Variants in TUSC3 observed in about 807,000 individuals in gnomAD.
TUSC3 encodes dolichyl-diphosphooligosaccharide--protein glycosyltransferase subunit TUSC3.
A neutral mutation model predicts 44.8 loss-of-function variants in TUSC3; 45 were observed. The observed-to-expected ratio is 1.00, with a 90% CI of 0.79 to 1.29. TUSC3 has a LOEUF of 1.29. TUSC3 is among the 50% of genes most tolerant of loss of function. The probability of loss-of-function intolerance (pLI) is 0.00; values close to 1 mark genes in which losing one functional copy is unlikely to be tolerated. For synonymous variants in TUSC3, 212 were observed against 152.9 expected (o/e 1.39, Z -2.85); for missense variants, 519 against 437.9 (o/e 1.19, Z -1.65).
the TUSC3 span, among the ~76,000 whole-genome samples, chr8:15,779,663 G>C: frequency 6.6e-6 from 1 of 152,172 alleles, no homozygotes; most frequent in Non-Finnish European, 1.5e-5. Context: ...CCTAGCATTT[G>C]ATTAAAAGAG....
chr8:15,849,786 G>T, the TUSC3 span, among the ~76,000 whole-genome samples: 1 of 145,848 alleles, frequency 6.9e-6, no homozygotes, highest in African/African-American at 2.5e-5. Flanking sequence ...CGATTTTATG[G>T]CCTTCTGTTA....
intron 6 of TUSC3, among the ~76,000 whole-genome samples, chr8:15,726,518 C>T (rs1810502827): frequency 6.6e-6 from 1 of 151,970 alleles, no homozygotes; most frequent in Non-Finnish European, 1.5e-5. Flanking sequence ...ATGAAATATT[C>T]AATGGGGCCA....
intron 2 of TUSC3, among the ~76,000 whole-genome samples, chr8:15,523,704 G>GTATATATATATATATATATA (rs1563273688): frequency 5.3e-5 from 6 of 112,582 alleles, no homozygotes; most frequent in South Asian, 3.2e-4. Flanking sequence ...GTGTGTGTGT[G>GTATATATATATATATATATA]TGTGTATATA....
At chr8:15,659,863 A>C (rs976817661) in intron 4 of TUSC3, among the ~76,000 whole-genome samples, 3 of 152,130 alleles carry the variant, frequency 2.0e-5, no homozygotes, top group Non-Finnish European at 4.4e-5. Context: ...AAAGCCATTA[A>C]AAATACAGGA....
the TUSC3 span, among the ~76,000 whole-genome samples, chr8:15,781,643 G>GA: frequency 6.6e-6 from 1 of 152,160 alleles, no homozygotes; most frequent in African/African-American, 2.4e-5. Context: ...CCAAGAGATT[G>GA]AAATAGTAAT....
intron 1 of TUSC3, among the ~76,000 whole-genome samples, chr8:15,596,616 C>T (rs1179445373): frequency 2.0e-5 from 3 of 152,040 alleles, no homozygotes; most frequent in Non-Finnish European, 4.4e-5. Context: ...TAATTTTTAA[C>T]ACTATTATTA....
chr8:15,738,419 A>G (rs913237371), intron 7 of TUSC3, among the ~76,000 whole-genome samples: 1 of 152,208 alleles, frequency 6.6e-6, no homozygotes, highest in Admixed American at 6.5e-5. Context: ...AACTAGGACC[A>G]GTTCAGGCCC....
At chr8:15,601,158 G>T (rs1804274017) in intron 1 of TUSC3, among the ~76,000 whole-genome samples, 1 of 151,670 alleles carries the variant, frequency 6.6e-6, no homozygotes, top group Non-Finnish European at 1.5e-5. Flanking sequence ...AATGATTCTA[G>T]TAGGAGGAGT....
intron 6 of TUSC3, among the ~76,000 whole-genome samples, chr8:15,713,964 A>C (rs1563186172): frequency 2.0e-5 from 3 of 152,142 alleles, no homozygotes; most frequent in Admixed American, 6.6e-5. Context: ...TACTTAAGCA[A>C]ATACCACTTG....
chr8:15,804,618 G>T, the TUSC3 span, among the ~76,000 whole-genome samples: 1 of 152,264 alleles, frequency 6.6e-6, no homozygotes, highest in East Asian at 1.9e-4. Flanking sequence ...TTCTGTCAAA[G>T]ATAAGATGGC....
chr8:15,722,648 G>A (rs765678870), intron 6 of TUSC3, among the ~76,000 whole-genome samples: 4 of 152,020 alleles, frequency 2.6e-5, no homozygotes, highest in African/African-American at 9.7e-5. Context: ...CATGTATACA[G>A]AATCTTCTGT....
At chr8:15,455,219 T>C (rs532521974) in intron 1 of TUSC3, among the ~76,000 whole-genome samples, 2 of 152,156 alleles carry the variant, frequency 1.3e-5, no homozygotes, top group African/African-American at 2.4e-5. Context: ...TGTCCTCCTA[T>C]TCCTCCTCCC....
At chr8:15,726,490 T>C (rs960456274) in intron 6 of TUSC3, among the ~76,000 whole-genome samples, 2 of 152,162 alleles carry the variant, frequency 1.3e-5, no homozygotes, top group South Asian at 4.1e-4. Flanking sequence ...TTTTATTTTA[T>C]GTTGGTTCAT....
At chr8:15,576,760 C>T (rs370232741) in intron 1 of TUSC3, among the ~76,000 whole-genome samples, 3,824 of 136,016 alleles carry the variant, frequency 0.028, 146 homozygotes, top group African/African-American at 0.096. Context: ...TGAATAATGC[C>T]GCAATAAACA....
chr8:15,421,134 C>T (rs1000866405), intron 1 of TUSC3, among the ~76,000 whole-genome samples: 3 of 152,110 alleles, frequency 2.0e-5, no homozygotes, highest in Non-Finnish European at 4.4e-5. Flanking sequence ...CAGTTCTTCC[C>T]CAGAGTATTC....
intron 6 of TUSC3, among the ~76,000 whole-genome samples, chr8:15,719,630 C>T (rs1585264341): frequency 6.6e-6 from 1 of 151,898 alleles, no homozygotes; most frequent in Non-Finnish European, 1.5e-5. Flanking sequence ...GTATTAGACA[C>T]TCAATAAATA....
At chr8:15,772,103 G>GA in the TUSC3 span, among the ~76,000 whole-genome samples, 1 of 151,522 alleles carries the variant, frequency 6.6e-6, no homozygotes, top group Non-Finnish European at 1.5e-5. Flanking sequence ...AGAAAAAAAA[G>GA]AAAAAGAAAG....
chr8:15,446,900 G>GA (rs201625839), intron 1 of TUSC3, among the ~76,000 whole-genome samples: 4,014 of 43,698 alleles, frequency 0.092, 96 homozygotes, highest in Non-Finnish European at 0.24. Flanking sequence ...GTAGGTAACA[G>GA]AAAAAAAAAC....
At chr8:15,776,374 C>T in the TUSC3 span, among the ~76,000 whole-genome samples, 1 of 151,988 alleles carries the variant, frequency 6.6e-6, no homozygotes, top group Non-Finnish European at 1.5e-5. Context: ...ACACGTCTTA[C>T]CATTCATCTT....
Sources: allele counts gnomAD v4.1 joint callset (sites outside exome capture counted in the v4.1 genomes callset), GRCh38; gene constraint gnomAD v4.1.1; transcripts MANE v1.5; gene names NCBI Gene and HGNC (gene_info 2026-07-23, HGNC 2026-07-21).